Variants in WDR7 observed in about 807,000 individuals in gnomAD.
WDR7 encodes WD repeat domain 7, also known as WD repeat-containing protein 7.
In WDR7, 46 loss-of-function variants were observed where a neutral mutation model predicts 169.4. The ratio of observed to expected loss-of-function variants is 0.27; its 90% confidence interval spans 0.21 to 0.35. The LOEUF (loss-of-function observed/expected upper bound fraction) is 0.35. Ranked by LOEUF, WDR7 falls within the 10% of genes least tolerant of loss-of-function variation. The pLI, the probability that WDR7 is intolerant of heterozygous loss-of-function variation, is 1.00. For synonymous variants in WDR7, 612 were observed against 666.8 expected, an observed-to-expected ratio of 0.92 and a Z score of 1.27; for missense variants, 1,534 against 1,859.3, an observed-to-expected ratio of 0.83 and a Z score of 3.22.
chr18:56,916,956 G>C (rs1416641519), intron 21 of WDR7, among the ~76,000 whole-genome samples: 1 of 152,150 alleles, frequency 6.6e-6, no homozygotes, highest in Non-Finnish European at 1.5e-5. Context: ...CCAGTACTTT[G>C]GGAGGCCGAG....
rs117947037 is a variant in WDR7 at position 56,767,496 on chromosome 18, G to A, written c.2848+8543G>A. 7.6e-4 allele frequency among the ~76,000 whole-genome samples: 115 copies of A among 152,270 alleles called. 3 individuals carry two copies. In the East Asian group the frequency reaches 0.02, roughly 27 times the overall value. ...GTAATCATAGGATCACAGGGCTCAC[G>A]TTGCTTGTCTCCCATCTCTCAGTCC... On this transcript the variant is annotated intron_variant, in intron 16 of 27. Coordinates refer to ENST00000254442, the MANE Select transcript of WDR7 (RefSeq NM_015285.3).
At chr18:56,970,853 G>T (rs949482814) in intron 26 of WDR7, among the ~76,000 whole-genome samples, 1 of 152,198 alleles carries the variant, frequency 6.6e-6, no homozygotes, top group South Asian at 2.1e-4. Flanking sequence ...AATTCTGGAT[G>T]AGCACTGCTA....
intron 20 of WDR7, among the ~76,000 whole-genome samples, chr18:56,816,450 G>C (rs1242117310): frequency 6.6e-6 from 1 of 152,178 alleles, no homozygotes; most frequent in Non-Finnish European, 1.5e-5. Flanking sequence ...GGAATGTATA[G>C]AGGAATATAC....
At chr18:56,903,410 A>T (rs1213420713) in intron 21 of WDR7, among the ~76,000 whole-genome samples, 1 of 151,590 alleles carries the variant, frequency 6.6e-6, no homozygotes, top group Non-Finnish European at 1.5e-5. Flanking sequence ...TTTTATTTTT[A>T]TTATTTATTT....
chr18:56,766,225 T>A (rs537249977), intron 16 of WDR7, among the ~76,000 whole-genome samples: 1 of 151,610 alleles, frequency 6.6e-6, no homozygotes, highest in Non-Finnish European at 1.5e-5. Context: ...TTTGAGCAGT[T>A]TGATTGTGTG....
At chr18:56,702,996 A>G (rs1308549243) in intron 12 of WDR7, among the ~76,000 whole-genome samples, 5 of 152,238 alleles carry the variant, frequency 3.3e-5, no homozygotes, top group Admixed American at 3.3e-4. Context: ...TCTACATGTA[A>G]GCATATAGGC....
intron 21 of WDR7, among the ~76,000 whole-genome samples, chr18:56,912,961 A>G (rs1420771467): frequency 6.6e-6 from 1 of 150,408 alleles, no homozygotes; most frequent in Non-Finnish European, 1.5e-5. Context: ...TGCAGCCTTT[A>G]CCTCCTGGGC....
At chr18:56,980,175 C>T (rs999323794) in intron 26 of WDR7, among the ~76,000 whole-genome samples, 3 of 152,196 alleles carry the variant, frequency 2.0e-5, no homozygotes, top group Non-Finnish European at 4.4e-5. Context: ...AGGTTGGTTC[C>T]TGGGTGCTCC....
At chr18:56,786,257 G>A (rs1448171256) in intron 19 of WDR7, among the ~76,000 whole-genome samples, 2 of 152,080 alleles carry the variant, frequency 1.3e-5, no homozygotes, top group African/African-American at 4.8e-5. Context: ...CTTACCGGGC[G>A]CAGTGGCTCA....
At chr18:56,653,662 G>A (rs534588819) in intron 1 of WDR7, among the ~76,000 whole-genome samples, 46 of 152,156 alleles carry the variant, frequency 3.0e-4, no homozygotes, top group South Asian at 1.9e-3. Context: ...AGATGATATC[G>A]TGCAGTTTTT....
chr18:56,946,217 C>T (rs957493633), intron 25 of WDR7, among the ~76,000 whole-genome samples: 5 of 152,192 alleles, frequency 3.3e-5, no homozygotes, highest in African/African-American at 1.2e-4. Context: ...TGTCTGTTCT[C>T]CTCCGGGGTT....
chr18:56,808,114 T>G (rs1215483082), intron 19 of WDR7, among the ~76,000 whole-genome samples: 2 of 152,052 alleles, frequency 1.3e-5, no homozygotes, highest in Admixed American at 1.3e-4. Context: ...ATAGAAGTGG[T>G]GTGAAGTGAA....
intron 14 of WDR7, among the ~76,000 whole-genome samples, chr18:56,744,631 C>G (rs905493118): frequency 6.6e-6 from 1 of 152,016 alleles, no homozygotes; most frequent in Non-Finnish European, 1.5e-5. Flanking sequence ...CCTGAATGCC[C>G]CATGATAGTG....
intron 26 of WDR7, among the ~76,000 whole-genome samples, chr18:56,963,278 T>C (rs2145776841): frequency 6.6e-6 from 1 of 152,288 alleles, no homozygotes; most frequent in Non-Finnish European, 1.5e-5. Flanking sequence ...AATGTTGCAT[T>C]GGTAAATAGT....
At position 56,694,684 on chromosome 18, in the gene WDR7, A is replaced by G. The variant is rs763589153; in HGVS notation, c.1032A>G (p.Leu344=). The change falls in exon 10 of 28, where the codon TTA becomes TTG. Residue 344 remains leucine, a synonymous_variant. Coordinates refer to ENST00000254442, the MANE Select transcript of WDR7 (RefSeq NM_015285.3). Reference sequence around the variant, plus strand: ...GCAGAGAATATTTCCATAAACTGTTAATTCAGGGTGATTCTTCTGGAAGGT... The same window carrying G: ...GCAGAGAATATTTCCATAAACTGTTGATTCAGGGTGATTCTTCTGGAAGGT... The part of the protein sequence containing the change: ...YGCREYFHKL[L]IQGDSSGRLN... 4 of 1,613,436 alleles carry G rather than the reference A, an allele frequency of 2.5e-6. No homozygotes were observed. The highest frequency in any genetic ancestry group is 3.4e-6 in the Non-Finnish European group (4 of 1,179,618).
chr18:56,739,529 T>G (rs1599005559), intron 14 of WDR7, among the ~76,000 whole-genome samples: 1 of 152,300 alleles, frequency 6.6e-6, no homozygotes, highest in African/African-American at 2.4e-5. Context: ...ATTTAAACTC[T>G]GTTCTTTTTG....
At chr18:57,017,306 C>T (rs543966031) in intron 26 of WDR7, among the ~76,000 whole-genome samples, 4 of 152,208 alleles carry the variant, frequency 2.6e-5, no homozygotes, top group African/African-American at 9.6e-5. Flanking sequence ...GCGGTGCTTG[C>T]TCTTACGAGA....
chr18:56,891,576 C>G (rs1402117520), intron 21 of WDR7, among the ~76,000 whole-genome samples: 1 of 152,024 alleles, frequency 6.6e-6, no homozygotes, highest in Non-Finnish European at 1.5e-5. Context: ...TTCGTAAGAA[C>G]CCTGTGAGGT....
rs1033609218 is a variant in WDR7 at position 57,028,310 on chromosome 18, A to G, written c.*1103A>G. 6.6e-6 allele frequency: 1 copy of G among 152,230 alleles called. No homozygotes were observed. Among genetic ancestry groups the G allele is most frequent in the East Asian group, 1.9e-4 (1 of 5,204 alleles). 9.4% of individuals were successfully genotyped at this position (152,230 alleles called of 1,614,324 possible). Reference sequence around the variant, plus strand: ...ATAAAAATATGTGGGCTCTCGATTTATTTGAGCAAACATTGCAATGAGGGT... The same window carrying G: ...ATAAAAATATGTGGGCTCTCGATTTGTTTGAGCAAACATTGCAATGAGGGT... On this transcript the variant is annotated 3_prime_UTR_variant, in exon 28 of 28. Coordinates refer to ENST00000254442, the MANE Select transcript of WDR7 (RefSeq NM_015285.3).
Sources: gnomAD v4.1 joint callset for allele counts (sites outside exome capture counted in the v4.1 genomes callset) on GRCh38, gnomAD v4.1.1 for gene constraint, MANE v1.5 for transcripts, NCBI Gene and HGNC (gene_info 2026-07-23, HGNC 2026-07-21) for gene names.